Variants in ITGA4 observed in about 807,000 individuals in gnomAD.
The protein encoded by ITGA4 is integrin subunit alpha 4, also known as integrin alpha-4.
In ITGA4, 63 loss-of-function variants were observed where a neutral mutation model predicts 133.6. The ratio of observed to expected loss-of-function variants is 0.47; its 90% confidence interval spans 0.38 to 0.58. ITGA4 has a LOEUF of 0.58. ITGA4 is among the 20% of genes least tolerant of loss of function. ITGA4 has a pLI of 0.00. For missense variants in ITGA4, 1,076 were observed against 1,252.7 expected, an observed-to-expected ratio of 0.86 and a Z score of 2.13; for synonymous variants, 483 against 438.0, an observed-to-expected ratio of 1.10 and a Z score of -1.28.
intron 20 of ITGA4, among the ~76,000 whole-genome samples, chr2:181,524,591 G>C (rs1157406344): frequency 1.3e-5 from 2 of 152,092 alleles, no homozygotes; most frequent in African/African-American, 4.8e-5. Context: ...ATGTCTCCTA[G>C]AGTAAATAGG....
At chr2:181,461,034 C>T (rs1574372418) in intron 2 of ITGA4, among the ~76,000 whole-genome samples, 1 of 151,652 alleles carries the variant, frequency 6.6e-6, no homozygotes, top group East Asian at 1.9e-4. Flanking sequence ...TAAAAATATC[C>T]ACATGGACTA....
chr2:181,475,375 T>G, intron 4 of ITGA4, 87 bp downstream of exon 4: 1 of 1,075,800 alleles, frequency 9.3e-7, no homozygotes, highest in South Asian at 1.4e-5. Flanking sequence ...GTTTAGATGT[T>G]CAGAGGAGAG....
At position 181,484,439 on chromosome 2, in the gene ITGA4, G is replaced by A. The variant is rs375406347; in HGVS notation, c.1042-1442G>A. On this transcript the variant is annotated intron_variant, in intron 9 of 27. Coordinates refer to ENST00000397033, the MANE Select transcript of ITGA4 (RefSeq NM_000885.6). ...CTTCAGAGCCATTGCATTGTCTTAA[G>A]TCTATACCTTGTCTGTTCTCCCTGG... 2.6e-5 allele frequency among the ~76,000 whole-genome samples: 4 copies of A among 152,192 alleles called. No individual in the cohort carries two copies. In the East Asian group the frequency reaches 7.7e-4, roughly 29 times the overall value.
chr2:181,499,772 C>A (rs1197063899), intron 15 of ITGA4, among the ~76,000 whole-genome samples: 5 of 152,088 alleles, frequency 3.3e-5, no homozygotes, highest in African/African-American at 4.8e-5. Context: ...TAAAGAGGTT[C>A]TTTTTTTCAT....
At chr2:181,484,233 T>G (rs541322550) in intron 9 of ITGA4, among the ~76,000 whole-genome samples, 1 of 152,254 alleles carries the variant, frequency 6.6e-6, no homozygotes, top group African/African-American at 2.4e-5. Flanking sequence ...CCTAGACAAG[T>G]AGGTGAAATT....
intron 15 of ITGA4, among the ~76,000 whole-genome samples, chr2:181,504,634 G>A (rs892617151): frequency 1.3e-5 from 2 of 151,830 alleles, no homozygotes; most frequent in Non-Finnish European, 2.9e-5. Context: ...ATTATAACAT[G>A]TGAATTCTTC....
intron 14 of ITGA4, among the ~76,000 whole-genome samples, chr2:181,497,577 T>C (rs767850414): frequency 3.9e-5 from 6 of 152,188 alleles, no homozygotes; most frequent in Non-Finnish European, 7.4e-5. Flanking sequence ...AAAAAGATGA[T>C]TGAAGGATTT....
At position 181,538,022 on chromosome 2, in the gene ITGA4, T is replaced by C. The variant is rs1687261533; in HGVS notation, c.*2495T>C. 2 of 692,006 alleles carry C rather than the reference T, an allele frequency of 2.9e-6. No individual in the cohort carries two copies. The highest frequency in any genetic ancestry group is 5.4e-6 in the Non-Finnish European group (2 of 369,258). 42.9% of individuals were successfully genotyped at this position (692,006 alleles called of 1,614,324 possible). On this transcript the variant is annotated 3_prime_UTR_variant, in exon 28 of 28. Coordinates refer to ENST00000397033, the MANE Select transcript of ITGA4 (RefSeq NM_000885.6). ...CAAGAGAATCTAATGCCTGATGATC[T>C]GAGGTGGAACAGTTCATCCTGAAAC...
intron 15 of ITGA4, among the ~76,000 whole-genome samples, chr2:181,500,961 G>T (rs777122155): frequency 4.6e-5 from 7 of 152,164 alleles, no homozygotes; most frequent in Non-Finnish European, 8.8e-5. Context: ...GAAATGTGCA[G>T]TGCTGCAGAA....
intron 15 of ITGA4, among the ~76,000 whole-genome samples, chr2:181,502,590 G>A (rs1686299273): frequency 6.6e-6 from 1 of 152,208 alleles, no homozygotes; most frequent in East Asian, 1.9e-4. Context: ...TGGTGATGGG[G>A]ACTGTAGAAG....
intron 2 of ITGA4, among the ~76,000 whole-genome samples, chr2:181,471,119 AGAATGATTGTTTCATGACTATTTCCAT>A (rs1329852070): frequency 1.3e-5 from 2 of 152,242 alleles, no homozygotes; most frequent in African/African-American, 4.8e-5. Flanking sequence ...CTTCTGTGGA[AGAATGATTGTTTCATGACTATTTCCAT>A]GAACTTTCTT....
intron 10 of ITGA4, chr2:181,493,017 T>C (rs528207818): frequency 8.2e-4 from 193 of 234,960 alleles, no homozygotes; most frequent in African/African-American, 3.9e-3. Context: ...CCCAACCTAG[T>C]GTGGCAGTGC....
intron 24 of ITGA4, 91 bp downstream of exon 24, chr2:181,530,740 CAAT>C (rs1246212058): frequency 4.4e-6 from 5 of 1,146,322 alleles, no homozygotes; most frequent in African/African-American, 1.5e-5. Context: ...GCTGTCACTT[CAAT>C]AATAAGAGAG....
At chr2:181,482,448 T>G (rs1685828094) in intron 8 of ITGA4, 26 bp downstream of exon 8, 1 of 1,613,392 alleles carries the variant, frequency 6.2e-7, no homozygotes, top group Non-Finnish European at 8.5e-7. Context: ...CTTTAGTATC[T>G]CTGTGGGCTT....
At chr2:181,509,899 G>GGAATTTTTAAAAATAC (rs1559051603) in intron 16 of ITGA4, 92 bp downstream of exon 16, 1 of 897,906 alleles carries the variant, frequency 1.1e-6, no homozygotes, top group East Asian at 2.7e-5. Flanking sequence ...ACTATATGTC[G>GGAATTTTTAAAAATAC]GAATTTTTAA....
intron 2 of ITGA4, among the ~76,000 whole-genome samples, chr2:181,462,923 A>G (rs532610583): frequency 4.4e-4 from 67 of 152,168 alleles, no homozygotes; most frequent in Non-Finnish European, 9.0e-4. Context: ...AGGGATGCCT[A>G]AGGGCCTGAA....
At chr2:181,509,581 T>G in intron 15 of ITGA4, 77 bp from the exon 16 acceptor site, 1 of 1,189,958 alleles carries the variant, frequency 8.4e-7, no homozygotes, top group Middle Eastern at 2.0e-4. Flanking sequence ...GTTTGGCCCT[T>G]TTCAGGAAAG....
chr2:181,493,791 A>ACAGGG (rs1264151801), intron 11 of ITGA4, among the ~76,000 whole-genome samples: 1 of 152,326 alleles, frequency 6.6e-6, no homozygotes, highest in East Asian at 1.9e-4. Context: ...TGAAGATTGC[A>ACAGGG]CAGGGAGATC....
intron 21 of ITGA4, among the ~76,000 whole-genome samples, chr2:181,526,998 A>C (rs1471176249): frequency 1.3e-5 from 2 of 149,646 alleles, no homozygotes; most frequent in African/African-American, 2.5e-5. Flanking sequence ...CGCCCAGCTA[A>C]TTTTTTTTTG....
Sources: gnomAD v4.1 joint callset for allele counts (sites outside exome capture counted in the v4.1 genomes callset) on GRCh38, gnomAD v4.1.1 for gene constraint, MANE v1.5 for transcripts, NCBI Gene and HGNC (gene_info 2026-07-23, HGNC 2026-07-21) for gene names.